Variants in GABRG3 observed in about 807,000 individuals in gnomAD.
The protein encoded by GABRG3 is gamma-aminobutyric acid receptor subunit gamma-3.
In GABRG3, 25 loss-of-function variants were observed where a neutral mutation model predicts 48.8. The ratio of observed to expected loss-of-function variants is 0.51; its 90% confidence interval spans 0.37 to 0.72. GABRG3 has a LOEUF of 0.72. Among genes scored for constraint, GABRG3 ranks in the 30% least tolerant of loss-of-function variants. The pLI, the probability that GABRG3 is intolerant of heterozygous loss-of-function variation, is 0.00. For missense variants in GABRG3, 394 were observed against 577.9 expected, an observed-to-expected ratio of 0.68 and a Z score of 3.26; for synonymous variants, 227 against 217.6, an observed-to-expected ratio of 1.04 and a Z score of -0.38.
chr15:27,202,013 AG>A (rs940885922), intron 3 of GABRG3, among the ~76,000 whole-genome samples: 51 of 152,278 alleles, frequency 3.3e-4, no homozygotes, highest in African/African-American at 1.2e-3. Context: ...CCATCATACA[AG>A]TATATTCAGC....
At chr15:27,325,768 G>T (rs994514505) in intron 3 of GABRG3, among the ~76,000 whole-genome samples, 1 of 152,118 alleles carries the variant, frequency 6.6e-6, no homozygotes, top group African/African-American at 2.4e-5. Flanking sequence ...GTTAATGAAA[G>T]ACCAGTTGAA....
rs1890580487 is a variant in GABRG3 at position 27,255,352 on chromosome 15, A to C, written c.271-71457A>C. On this transcript the variant is annotated intron_variant, in intron 3 of 9. Transcript: ENST00000615808. Reference sequence around the variant, plus strand: ...AGTCAGTGCCGTGGGATGATTCTCTAACAGACTTTCCTGGCAGGTAGAACC... The same window carrying C: ...AGTCAGTGCCGTGGGATGATTCTCTCACAGACTTTCCTGGCAGGTAGAACC... Among the ~76,000 whole-genome samples, 6 of 152,310 alleles carry C rather than the reference A, an allele frequency of 3.9e-5. No homozygotes were observed. The South Asian group carries it at 1.2e-3, about 32-fold the overall frequency.
At chr15:27,301,337 A>C (rs948521768) in intron 3 of GABRG3, among the ~76,000 whole-genome samples, 1 of 152,266 alleles carries the variant, frequency 6.6e-6, no homozygotes, top group East Asian at 1.9e-4. Context: ...TATCTATATT[A>C]TCATATCACT....
rs996282544 is a variant in GABRG3 at position 27,152,558 on chromosome 15, T to C, written c.270+125737T>C. 2.0e-5 allele frequency among the ~76,000 whole-genome samples: 3 copies of C among 152,230 alleles called. No homozygotes were observed. In the East Asian group the frequency reaches 5.8e-4, roughly 29 times the overall value. ...TTTGATAGAATTTTTATTAAACCTG[T>C]CTGTCAATTTGTAGAGAATTCATAT... On this transcript the variant is annotated intron_variant, in intron 3 of 9. Coordinates refer to ENST00000615808, the MANE Select transcript of GABRG3 (RefSeq NM_033223.5).
intron 3 of GABRG3, among the ~76,000 whole-genome samples, chr15:27,062,576 G>T (rs1338301985): frequency 6.6e-6 from 1 of 151,900 alleles, no homozygotes; most frequent in African/African-American, 2.4e-5. Context: ...CCATTACACT[G>T]CAGCCTGGGC....
chr15:27,326,742 A>G (rs1893628096), intron 3 of GABRG3, 67 bp from the exon 4 acceptor site: 1 of 1,321,924 alleles, frequency 7.6e-7, no homozygotes, highest in African/African-American at 1.5e-5. Flanking sequence ...ACGTTTGACA[A>G]AGAGAACAAA....
chr15:27,079,727 A>G (rs1896961837), intron 3 of GABRG3, among the ~76,000 whole-genome samples: 1 of 152,218 alleles, frequency 6.6e-6, no homozygotes, highest in East Asian at 1.9e-4. Context: ...ACTTTGCTAT[A>G]AAGCAAGGTA....
At chr15:27,001,175 T>C (rs1566905094) in intron 2 of GABRG3, among the ~76,000 whole-genome samples, 1 of 152,244 alleles carries the variant, frequency 6.6e-6, no homozygotes, top group South Asian at 2.1e-4. Flanking sequence ...CTGATATAGA[T>C]TGTCTTGAAA....
At chr15:27,281,676 A>C (rs1244162722) in intron 3 of GABRG3, among the ~76,000 whole-genome samples, 2 of 151,784 alleles carry the variant, frequency 1.3e-5, no homozygotes, top group Non-Finnish European at 2.9e-5. Flanking sequence ...AATTAGGATA[A>C]ATTTGAATTT....
At chr15:27,395,750 C>T (rs1372636292) in intron 5 of GABRG3, among the ~76,000 whole-genome samples, 1 of 152,144 alleles carries the variant, frequency 6.6e-6, no homozygotes, top group Non-Finnish European at 1.5e-5. Context: ...TAAATGTAAA[C>T]AAATAATTCT....
rs146931982 is a variant in GABRG3, at chr15:27,057,012, G to T, written c.270+30191G>T. Among the ~76,000 whole-genome samples, 665 of 152,230 alleles carry T rather than the reference G, an allele frequency of 4.4e-3. 14 individuals are homozygous for T. The highest frequency in any genetic ancestry group is 0.025 in the Admixed American group (383 of 15,298). ...TATACTCTTCCCTGCTTATTATCAA[G>T]GGAAGGATTCAGAGACAGGGTGTGG... On this transcript the variant is annotated intron_variant, in intron 3 of 9. Transcript: ENST00000615808.
At chr15:27,317,715 T>C (rs1158137857) in intron 3 of GABRG3, among the ~76,000 whole-genome samples, 2 of 152,220 alleles carry the variant, frequency 1.3e-5, no homozygotes, top group African/African-American at 4.8e-5. Context: ...GCATTTAGAA[T>C]GACTTAAATC....
At chr15:27,267,736 A>C (rs1224595832) in intron 3 of GABRG3, among the ~76,000 whole-genome samples, 1 of 152,228 alleles carries the variant, frequency 6.6e-6, no homozygotes, top group Admixed American at 6.5e-5. Context: ...TTTTAACACA[A>C]AAATAGATGA....
At chr15:27,065,681 C>G (rs1007364971) in intron 3 of GABRG3, among the ~76,000 whole-genome samples, 1 of 152,262 alleles carries the variant, frequency 6.6e-6, no homozygotes. Context: ...AGAGAAGAGA[C>G]CTTAGCTGCC....
chr15:26,995,961 A>G (rs1198611573), intron 2 of GABRG3, among the ~76,000 whole-genome samples: 2 of 152,122 alleles, frequency 1.3e-5, no homozygotes, highest in Admixed American at 6.6e-5. Flanking sequence ...ATCTGCTCCA[A>G]TGCAGCTGTA....
intron 3 of GABRG3, among the ~76,000 whole-genome samples, chr15:27,136,652 A>G (rs1898013165): frequency 6.6e-6 from 1 of 152,208 alleles, no homozygotes; most frequent in Non-Finnish European, 1.5e-5. Context: ...GAAATGGGCA[A>G]ACTTTTTTTT....
At chr15:27,004,067 C>T (rs1345697736) in intron 2 of GABRG3, among the ~76,000 whole-genome samples, 6 of 139,344 alleles carry the variant, frequency 4.3e-5, no homozygotes, top group East Asian at 2.2e-4. Context: ...GCGGCTGACC[C>T]GGCGGGGGGC....
At chr15:27,166,205 A>C (rs1566952461) in intron 3 of GABRG3, among the ~76,000 whole-genome samples, 2 of 152,208 alleles carry the variant, frequency 1.3e-5, no homozygotes, top group Admixed American at 6.5e-5. Context: ...AACTTTCTCA[A>C]CTAATATTCA....
intron 2 of GABRG3, among the ~76,000 whole-genome samples, chr15:27,020,192 G>T (rs1212528167): frequency 6.6e-6 from 1 of 152,138 alleles, no homozygotes; most frequent in East Asian, 1.9e-4. Flanking sequence ...CTGCAGTCAG[G>T]CCGCACCCTC....
Sources: allele counts gnomAD v4.1 joint callset (sites outside exome capture counted in the v4.1 genomes callset), GRCh38; gene constraint gnomAD v4.1.1; transcripts MANE v1.5; gene names NCBI Gene and HGNC (gene_info 2026-07-23, HGNC 2026-07-21).